UBE2W: variants seen among roughly 807,000 people sequenced by gnomAD.
UBE2W encodes the protein ubiquitin-conjugating enzyme E2 W.
A neutral mutation model predicts 27.2 loss-of-function variants in UBE2W; 18 were observed. The ratio of observed to expected loss-of-function variants is 0.66; its 90% CI spans 0.46 to 0.98. UBE2W has a LOEUF of 0.98. Among genes scored for constraint, UBE2W ranks in the 50% least tolerant of loss-of-function variants. The pLI, the probability that UBE2W is intolerant of heterozygous loss-of-function variation, is 0.00. For missense variants in UBE2W, 90 were observed against 180.2 expected, an observed-to-expected ratio of 0.50 and a Z score of 2.87; for synonymous variants, 53 against 57.2, an observed-to-expected ratio of 0.93 and a Z score of 0.33.
In UBE2W at chr8:73,786,580, A is replaced by T. The variant is rs2130828844; in HGVS notation, c.*7522T>A. ...AACCTTTCAGCTACCTTTGAACTAGACCTTTCAGGTAGAAACGCAGATCAT... is the reference window on the plus strand; with the variant it reads ...AACCTTTCAGCTACCTTTGAACTAGTCCTTTCAGGTAGAAACGCAGATCAT... On this transcript the variant is annotated 3_prime_UTR_variant, in exon 6 of 6. Transcript: ENST00000602593. 1.0e-6 allele frequency: 1 copy of T among 985,456 alleles called. No homozygotes were observed. The highest frequency in any genetic ancestry group is 6.1e-5 in the Admixed American group (1 of 16,276). 61.0% of individuals were successfully genotyped at this position (985,456 alleles called of 1,614,324 possible).
At chr8:73,782,141 G>A (rs973683164), downstream of UBE2W, among the ~76,000 whole-genome samples, 20 of 151,422 alleles carry the variant, frequency 1.3e-4, no homozygotes, top group African/African-American at 4.9e-4. Flanking sequence ...AAGAGACGGT[G>A]TTCCACCATG....
chr8:73,871,558 A>C (rs59570696), intron 1 of UBE2W, among the ~76,000 whole-genome samples: 36,880 of 152,124 alleles, frequency 0.24, 7,575 homozygotes, highest in African/African-American at 0.57. Context: ...AAAGTAGAGT[A>C]TTTTCTTAGA....
intron 1 of UBE2W, among the ~76,000 whole-genome samples, chr8:73,844,296 C>T (rs1011524569): frequency 1.9e-4 from 29 of 152,198 alleles, no homozygotes; most frequent in African/African-American, 5.1e-4. Flanking sequence ...TGCAGGCGCG[C>T]GCCGCCACAC....
chr8:73,834,014 GGAC>G (rs1810205615), intron 1 of UBE2W: 1 of 152,032 alleles, frequency 6.6e-6, no homozygotes, highest in Non-Finnish European at 1.5e-5. Context: ...CAAATAGCTG[GGAC>G]AACAGGCACC....
At chr8:73,798,589 T>A (rs1339017267) in intron 5 of UBE2W, among the ~76,000 whole-genome samples, 1 of 152,128 alleles carries the variant, frequency 6.6e-6, no homozygotes, top group Non-Finnish European at 1.5e-5. Flanking sequence ...GGAAAGCAAA[T>A]CATTTATGAA....
At chr8:73,782,406 C>T (rs917130516), downstream of UBE2W, among the ~76,000 whole-genome samples, 1 of 152,140 alleles carries the variant, frequency 6.6e-6, no homozygotes, top group South Asian at 2.1e-4. Flanking sequence ...TTGTAATCTC[C>T]CCTTCCCGCC....
chr8:73,855,964 T>C (rs1247773126), intron 1 of UBE2W, among the ~76,000 whole-genome samples: 1 of 152,356 alleles, frequency 6.6e-6, no homozygotes, highest in South Asian at 2.1e-4. Flanking sequence ...TTCAATCATG[T>C]ATCTGTAATT....
chr8:73,877,812 A>G (rs1812296288), intron 1 of UBE2W, among the ~76,000 whole-genome samples: 1 of 152,064 alleles, frequency 6.6e-6, no homozygotes, highest in Admixed American at 6.6e-5. Context: ...TCCCTGCACA[A>G]CTACAATTGT....
intron 5 of UBE2W, among the ~76,000 whole-genome samples, chr8:73,801,389 T>C (rs945904629): frequency 3.9e-5 from 6 of 152,184 alleles, no homozygotes; most frequent in African/African-American, 1.4e-4. Flanking sequence ...GAGAGAGGGT[T>C]GTACTTTAAA....
At chr8:73,805,119 T>G (rs1181786534) in intron 5 of UBE2W, among the ~76,000 whole-genome samples, 2 of 152,024 alleles carry the variant, frequency 1.3e-5, no homozygotes, top group African/African-American at 2.4e-5. Flanking sequence ...AATTTTACAT[T>G]TTACTTTTAT....
intron 1 of UBE2W, among the ~76,000 whole-genome samples, chr8:73,859,808 C>T (rs980416149): frequency 2.0e-5 from 3 of 152,196 alleles, no homozygotes; most frequent in Non-Finnish European, 2.9e-5. Flanking sequence ...GTTTCAGAAA[C>T]GCAATCTGTA....
chr8:73,866,979 T>C (rs1348968138), intron 1 of UBE2W, among the ~76,000 whole-genome samples: 2 of 148,624 alleles, frequency 1.3e-5, no homozygotes, highest in African/African-American at 5.0e-5. Flanking sequence ...CACTCCAGCC[T>C]GGCGACAGAG....
At chr8:73,849,798 G>C (rs1810995771) in intron 1 of UBE2W, among the ~76,000 whole-genome samples, 1 of 151,904 alleles carries the variant, frequency 6.6e-6, no homozygotes, top group Non-Finnish European at 1.5e-5. Context: ...AAAATGTTAA[G>C]AGTACAGAAT....
rs542706807 is a variant in UBE2W at position 73,857,433 on chromosome 8, A to G, written c.15+21375T>C. Among the ~76,000 whole-genome samples, 6 of 138,538 alleles carry G rather than the reference A, an allele frequency of 4.3e-5. No homozygotes were observed. In the East Asian group the frequency reaches 1.4e-3, roughly 32 times the overall value. 90.9% of individuals were successfully genotyped at this position (138,538 alleles called of 152,430 possible). A position where few individuals can be genotyped will look rare whatever the true frequency, so the allele number is the denominator to read the frequency against. ...TTTCAATGTATGTGTTCTAAAATAT[A>G]ATAATGTATTATAAAAGATTGCAAG... On this transcript the variant is annotated intron_variant, in intron 1 of 5. Coordinates refer to ENST00000602593, the MANE Select transcript of UBE2W (RefSeq NM_018299.6).
chr8:73,850,173 T>A (rs1244804502), intron 1 of UBE2W, among the ~76,000 whole-genome samples: 1 of 152,156 alleles, frequency 6.6e-6, no homozygotes, highest in Non-Finnish European at 1.5e-5. Context: ...ACACATACAA[T>A]TATACTCAAT....
At chr8:73,863,932 C>CA (rs1811633573) in intron 1 of UBE2W, among the ~76,000 whole-genome samples, 1 of 117,154 alleles carries the variant, frequency 8.5e-6, no homozygotes, top group Non-Finnish European at 1.8e-5. Flanking sequence ...ACAACAACAA[C>CA]AAAAAACAAA....
At chr8:73,857,247 GAAA>G (rs573917424) in intron 1 of UBE2W, among the ~76,000 whole-genome samples, 1 of 148,318 alleles carries the variant, frequency 6.7e-6, no homozygotes, top group South Asian at 2.1e-4. Context: ...CAACAAGTAG[GAAA>G]AAAAAAATCA....
chr8:73,801,553 C>CTT (rs1438215002), intron 5 of UBE2W, among the ~76,000 whole-genome samples: 1 of 152,160 alleles, frequency 6.6e-6, no homozygotes. Flanking sequence ...TTACTAGAGT[C>CTT]TTAAAAACAC....
chr8:73,849,740 G>A (rs1027090812), intron 1 of UBE2W, among the ~76,000 whole-genome samples: 37 of 151,878 alleles, frequency 2.4e-4, no homozygotes, highest in African/African-American at 8.9e-4. Context: ...AAGAATATTA[G>A]ATTGGTTAAA....
Sources: gnomAD v4.1 joint callset for allele counts (sites outside exome capture counted in the v4.1 genomes callset) on GRCh38, gnomAD v4.1.1 for gene constraint, MANE v1.5 for transcripts, NCBI Gene and HGNC (gene_info 2026-07-23, HGNC 2026-07-21) for gene names.